Variants in SSH2 observed in about 807,000 individuals in gnomAD.
SSH2 encodes protein phosphatase Slingshot homolog 2.
In SSH2, 37 loss-of-function variants were observed where a neutral mutation model predicts 135.2. The observed-to-expected ratio is 0.27, with a 90% CI of 0.21 to 0.36. SSH2 has a LOEUF of 0.36. Among genes scored for constraint, SSH2 ranks in the 10% least tolerant of loss-of-function variants. SSH2 has a pLI of 1.00. For synonymous variants in SSH2, 628 were observed against 646.2 expected, an observed-to-expected ratio of 0.97 and a Z score of 0.43; for missense variants, 1,408 against 1,765.3, an observed-to-expected ratio of 0.80 and a Z score of 3.63.
intron 1 of SSH2, among the ~76,000 whole-genome samples, chr17:29,901,923 T>C (rs1478587463): frequency 1.3e-5 from 2 of 152,084 alleles, no homozygotes; most frequent in Non-Finnish European, 2.9e-5. Flanking sequence ...AGTAAGACTA[T>C]AGGCACATGC....
In SSH2 at chr17:29,913,036, A is replaced by T. The variant is rs116525650; in HGVS notation, c.63+16902T>A. Among the ~76,000 whole-genome samples, 853 of 151,536 alleles carry T rather than the reference A, an allele frequency of 5.6e-3. 9 individuals carry two copies. The highest frequency in any genetic ancestry group is 0.019 in the African/African-American group (805 of 41,378). The stretch of plus-strand genomic sequence containing the variant: ...CACCTAGCATTAAAAAAAAATCTCC[A>T]GCCAGGCACAGTGGCTCAGGCCTGT... On this transcript the variant is annotated intron_variant, in intron 1 of 15. Transcript: ENST00000540801.
chr17:29,764,374 T>G (rs1301115257), intron 3 of SSH2, among the ~76,000 whole-genome samples: 1 of 152,266 alleles, frequency 6.6e-6, no homozygotes, highest in East Asian at 1.9e-4. Flanking sequence ...CTTTGCACAG[T>G]GTGCAGAGTG....
chr17:29,756,961 G>A (rs571651546), intron 3 of SSH2, among the ~76,000 whole-genome samples: 2 of 152,134 alleles, frequency 1.3e-5, no homozygotes, highest in South Asian at 2.1e-4. Context: ...GGCTTGTTTC[G>A]TGGTTTCTAA....
chr17:29,774,378 C>T (rs1392266160), intron 3 of SSH2, among the ~76,000 whole-genome samples: 1 of 151,922 alleles, frequency 6.6e-6, no homozygotes, highest in African/African-American at 2.4e-5. Flanking sequence ...AATTCTCCTG[C>T]CTCAGCCTCC....
chr17:29,881,984 C>A (rs2151432786), intron 1 of SSH2, among the ~76,000 whole-genome samples: 1 of 152,302 alleles, frequency 6.6e-6, no homozygotes, highest in Middle Eastern at 3.4e-3. Context: ...GAGGAAAAAA[C>A]TGCATTATTT....
At position 29,708,993 on chromosome 17, in the gene SSH2, A is replaced by AATATATATAT. The variant is rs374708601; in HGVS notation, c.189-5941_189-5932dup. On this transcript the variant is annotated intron_variant, in intron 3 of 15. Coordinates refer to ENST00000540801, the MANE Select transcript of SSH2 (RefSeq NM_001282129.2). The stretch of plus-strand genomic sequence containing the variant: ...AGGGGAAAGTCATCCCTAGTTAAGA[A>AATATATATAT]ATATATATATATATATATATATAGA... Among the ~76,000 whole-genome samples, 309 of 65,736 alleles carry AATATATATAT rather than the reference A, an allele frequency of 4.7e-3. 8 individuals are homozygous for AATATATATAT. Among genetic ancestry groups the AATATATATAT allele is most frequent in the East Asian group, 0.028 (44 of 1,574 alleles). The allele number at this position is 65,736 out of a possible 152,430, so 43.1% of individuals were successfully genotyped here. A position where few individuals can be genotyped will look rare whatever the true frequency, so the allele number is the denominator to read the frequency against.
chr17:29,696,567 C>G (rs187003479), intron 4 of SSH2, among the ~76,000 whole-genome samples: 13 of 145,964 alleles, frequency 8.9e-5, no homozygotes, highest in African/African-American at 3.0e-4. Context: ...CTACTGCACT[C>G]CAGCCTGGGC....
intron 4 of SSH2, among the ~76,000 whole-genome samples, chr17:29,697,024 AT>A (rs2038787468): frequency 6.6e-6 from 1 of 152,070 alleles, no homozygotes; most frequent in African/African-American, 2.4e-5. Context: ...AGGGATATAT[AT>A]TCTCCTGAAC....
intron 6 of SSH2, among the ~76,000 whole-genome samples, chr17:29,679,354 T>C (rs1164856893): frequency 6.6e-6 from 1 of 152,164 alleles, no homozygotes; most frequent in African/African-American, 2.4e-5. Flanking sequence ...TTATGGGCTC[T>C]GGAACCTGGT....
chr17:29,733,968 TG>T (rs1367956284), intron 3 of SSH2, among the ~76,000 whole-genome samples: 2 of 149,810 alleles, frequency 1.3e-5, no homozygotes, highest in African/African-American at 4.9e-5. Flanking sequence ...TAGAATGCAG[TG>T]GTGCGATCTT....
chr17:29,693,891 A>G (rs2038601533), intron 5 of SSH2, among the ~76,000 whole-genome samples: 1 of 152,122 alleles, frequency 6.6e-6, no homozygotes, highest in Admixed American at 6.6e-5. Flanking sequence ...ATCTTCCCTA[A>G]CTACTATAGC....
At chr17:29,764,837 T>C (rs1242179224) in intron 3 of SSH2, among the ~76,000 whole-genome samples, 3 of 152,246 alleles carry the variant, frequency 2.0e-5, no homozygotes, top group Non-Finnish European at 2.9e-5. Flanking sequence ...TGTGTATCCA[T>C]GTATCCCTTA....
At chr17:29,652,912 T>C (rs993180642) in intron 12 of SSH2, among the ~76,000 whole-genome samples, 1 of 152,160 alleles carries the variant, frequency 6.6e-6, no homozygotes, top group African/African-American at 2.4e-5. Context: ...TGCTTCGGCC[T>C]CCCAAAGTGC....
At position 29,810,380 on chromosome 17, in the gene SSH2, G is replaced by A. The variant is rs73263659; in HGVS notation, c.145-16443C>T. Among the ~76,000 whole-genome samples the A allele has an allele frequency of 3.2e-3, 480 of 152,280 alleles. 5 individuals carry two copies. Among genetic ancestry groups the A allele is most frequent in the African/African-American group, 0.01 (419 of 41,552 alleles). On this transcript the variant is annotated intron_variant, in intron 2 of 15. Coordinates refer to ENST00000540801, the MANE Select transcript of SSH2 (RefSeq NM_001282129.2). ...ATTAGGGAACTAATCATCATCATCT[G>A]CTTTTAGAAGTGGGTTCTATTTATT...
chr17:29,753,213 C>G (rs552400674), intron 3 of SSH2, among the ~76,000 whole-genome samples: 1 of 152,042 alleles, frequency 6.6e-6, no homozygotes, highest in Non-Finnish European at 1.5e-5. Context: ...TCACGGCAAC[C>G]TCTGCCTCCT....
rs1160865828 is a variant in SSH2 at position 29,680,551 on chromosome 17, C to CAAAAAAAAAAAAAAAAAAAA, written c.480-2830_480-2811dup. The stretch of plus-strand genomic sequence containing the variant: ...TGGGAGACACAGCAAGACTCCCTCT[C>CAAAAAAAAAAAAAAAAAAAA]AAAAAAAAAAAAAAAAAAAAAAAAA... On this transcript the variant is annotated intron_variant, in intron 6 of 15. Coordinates refer to ENST00000540801, the MANE Select transcript of SSH2 (RefSeq NM_001282129.2). 9.3e-5 allele frequency among the ~76,000 whole-genome samples: 2 copies of CAAAAAAAAAAAAAAAAAAAA among 21,520 alleles called. 1 individual carries two copies. Among genetic ancestry groups the CAAAAAAAAAAAAAAAAAAAA allele is most frequent in the Non-Finnish European group, 1.6e-4 (2 of 12,854 alleles). The allele number at this position is 21,520 out of a possible 152,430, so 14.1% of individuals were successfully genotyped here. A position where few individuals can be genotyped will look rare whatever the true frequency, so the allele number is the denominator to read the frequency against.
intron 3 of SSH2, among the ~76,000 whole-genome samples, chr17:29,767,336 A>AT (rs1165539283): frequency 6.6e-6 from 1 of 150,606 alleles, no homozygotes; most frequent in African/African-American, 2.4e-5. Context: ...ACATTTAACC[A>AT]TTTAGTCCCC....
At chr17:29,739,858 G>A (rs548857550) in intron 3 of SSH2, among the ~76,000 whole-genome samples, 67 of 152,176 alleles carry the variant, frequency 4.4e-4, no homozygotes, top group Non-Finnish European at 8.2e-4. Context: ...CATTTCTGGA[G>A]AGAAATCTCC....
intron 1 of SSH2, among the ~76,000 whole-genome samples, chr17:29,867,968 G>A (rs1486083669): frequency 6.6e-6 from 1 of 152,092 alleles, no homozygotes. Flanking sequence ...TTCCTATATA[G>A]CATTCTGACC....
Sources: allele counts gnomAD v4.1 joint callset (sites outside exome capture counted in the v4.1 genomes callset), GRCh38; gene constraint gnomAD v4.1.1; transcripts MANE v1.5; gene names NCBI Gene and HGNC (gene_info 2026-07-23, HGNC 2026-07-21).